Variants in KCNJ6 observed in about 807,000 individuals in gnomAD.
The protein encoded by KCNJ6 is potassium inwardly rectifying channel subfamily J member 6.
In KCNJ6, 9 loss-of-function variants were observed where a neutral mutation model predicts 34.2. That is an observed-to-expected ratio of 0.26 (90% CI 0.16 to 0.46). The LOEUF (loss-of-function observed/expected upper bound fraction) is 0.46. Among genes scored for constraint, KCNJ6 ranks in the 20% least tolerant of loss-of-function variants. KCNJ6 has a pLI of 1.00. For synonymous variants in KCNJ6, 196 were observed against 207.1 expected, an observed-to-expected ratio of 0.95 and a Z score of 0.46; for missense variants, 236 against 531.3, an observed-to-expected ratio of 0.44 and a Z score of 5.46.
rs141058055 is a variant in KCNJ6 at position 37,865,513 on chromosome 21, C to T, written c.-27-24804G>A. 4.6e-3 allele frequency among the ~76,000 whole-genome samples: 693 copies of T among 152,288 alleles called. 8 individuals are homozygous for T. Among genetic ancestry groups the T allele is most frequent in the African/African-American group, 0.015 (622 of 41,560 alleles). On this transcript the variant is annotated intron_variant, in intron 1 of 3. Coordinates refer to ENST00000609713, the MANE Select transcript of KCNJ6 (RefSeq NM_002240.5). ...TTGAACTGTCTCATTCTGTACAATA[C>T]GGATCCAGCTCCTCTTTGAGAAGCC...
At chr21:37,680,900 T>A (rs1368653376) in intron 3 of KCNJ6, among the ~76,000 whole-genome samples, 1 of 152,222 alleles carries the variant, frequency 6.6e-6, no homozygotes, top group South Asian at 2.1e-4. Context: ...CCAGACTACA[T>A]ACACACTGTA....
intron 1 of KCNJ6, among the ~76,000 whole-genome samples, chr21:37,909,369 C>CTTT (rs763546640): frequency 1.4e-5 from 2 of 143,272 alleles, no homozygotes; most frequent in Non-Finnish European, 3.1e-5. Flanking sequence ...GCACAAAGAA[C>CTTT]TTTTTTTTTT....
chr21:37,697,413 C>A (rs1166127514), intron 3 of KCNJ6, among the ~76,000 whole-genome samples: 2 of 152,184 alleles, frequency 1.3e-5, no homozygotes, highest in Admixed American at 1.3e-4. Flanking sequence ...GAGAACAAAG[C>A]AAGCCGGGAA....
Position 37,714,156 on chromosome 21 carries a change from C to A in KCNJ6, c.946+55G>T. The A allele has an allele frequency of 8.3e-7, 1 of 1,210,814 alleles. No individual in the cohort carries two copies. Among genetic ancestry groups the A allele is most frequent in the South Asian group, 1.4e-5 (1 of 73,214 alleles). 75.0% of individuals were successfully genotyped at this position (1,210,814 alleles called of 1,614,324 possible). Reference sequence around the variant, plus strand: ...CTTGTAATAGATAAGAACATCAGGTCCAGTTTAAAATGAGCATCTATCCCA... The same window carrying A: ...CTTGTAATAGATAAGAACATCAGGTACAGTTTAAAATGAGCATCTATCCCA... On this transcript the variant is annotated intron_variant, in intron 3 of 3. Coordinates refer to ENST00000609713, the MANE Select transcript of KCNJ6 (RefSeq NM_002240.5). This position sits in a 1 kb window ranked among gnomAD's most constrained non-coding sequence, Gnocchi z 5.9.
intron 2 of KCNJ6, among the ~76,000 whole-genome samples, chr21:37,763,806 G>A (rs890803293): frequency 6.6e-6 from 1 of 152,136 alleles, no homozygotes; most frequent in Non-Finnish European, 1.5e-5. Flanking sequence ...CTCAGAATGT[G>A]GGGGGAGGGG....
At chr21:37,712,007 GCT>G (rs914249176) in intron 3 of KCNJ6, among the ~76,000 whole-genome samples, 1 of 152,116 alleles carries the variant, frequency 6.6e-6, no homozygotes, top group African/African-American at 2.4e-5. Context: ...CTTTGGAAAG[GCT>G]CACTCATTAC....
chr21:37,766,335 C>G (rs1252752230), intron 2 of KCNJ6, among the ~76,000 whole-genome samples: 3 of 152,054 alleles, frequency 2.0e-5, no homozygotes, highest in Non-Finnish European at 4.4e-5. Flanking sequence ...GACATGAACC[C>G]CTTTGGAGAC....
intron 2 of KCNJ6, among the ~76,000 whole-genome samples, chr21:37,815,671 C>T (rs2055343342): frequency 6.6e-6 from 1 of 152,210 alleles, no homozygotes. Flanking sequence ...GTCTATGGAA[C>T]AGCTCTGGTG....
At chr21:37,635,399 G>A (rs1569434212) in intron 3 of KCNJ6, among the ~76,000 whole-genome samples, 1 of 151,814 alleles carries the variant, frequency 6.6e-6, no homozygotes, top group Non-Finnish European at 1.5e-5. Context: ...TGTATTTTTA[G>A]TAGAGATGGG....
At chr21:37,897,660 T>G (rs546348581) in intron 1 of KCNJ6, among the ~76,000 whole-genome samples, 1 of 152,120 alleles carries the variant, frequency 6.6e-6, no homozygotes. Context: ...CCCTCACTTT[T>G]CTAAGCCTCT....
At chr21:37,793,244 G>T (rs557366396) in intron 2 of KCNJ6, among the ~76,000 whole-genome samples, 1 of 152,142 alleles carries the variant, frequency 6.6e-6, no homozygotes, top group African/African-American at 2.4e-5. Context: ...GACAAAGCAG[G>T]TTATTTCATT....
chr21:37,734,406 G>C (rs1292367088), intron 2 of KCNJ6, among the ~76,000 whole-genome samples: 1 of 152,138 alleles, frequency 6.6e-6, no homozygotes, highest in Non-Finnish European at 1.5e-5. Context: ...TTCTATAGCG[G>C]AGAGAGCACC....
At chr21:37,880,339 C>G (rs1448433175) in intron 1 of KCNJ6, among the ~76,000 whole-genome samples, 4 of 152,218 alleles carry the variant, frequency 2.6e-5, no homozygotes, top group Non-Finnish European at 5.9e-5. Flanking sequence ...TACACCACCT[C>G]TCACCTCTGC....
At chr21:37,782,389 A>G (rs1421998379) in intron 2 of KCNJ6, among the ~76,000 whole-genome samples, 1 of 152,188 alleles carries the variant, frequency 6.6e-6, no homozygotes, top group Non-Finnish European at 1.5e-5. Flanking sequence ...ATGTACACAC[A>G]TAATATATAA....
At chr21:37,707,378 G>C (rs1203930094) in intron 3 of KCNJ6, among the ~76,000 whole-genome samples, 2 of 152,200 alleles carry the variant, frequency 1.3e-5, no homozygotes, top group Non-Finnish European at 2.9e-5. Context: ...TAGAGGAAGA[G>C]ATGATCTGCT....
At chr21:37,688,261 T>C (rs1012037782) in intron 3 of KCNJ6, among the ~76,000 whole-genome samples, 1 of 152,226 alleles carries the variant, frequency 6.6e-6, no homozygotes, top group East Asian at 1.9e-4. Flanking sequence ...TAATTCCTTA[T>C]TAGTAAGCAC....
intron 1 of KCNJ6, among the ~76,000 whole-genome samples, chr21:37,848,565 C>T (rs2123587883): frequency 6.6e-6 from 1 of 152,304 alleles, no homozygotes; most frequent in African/African-American, 2.4e-5. Flanking sequence ...ATGCTGCCAC[C>T]ATTGTGGTCT....
intron 3 of KCNJ6, among the ~76,000 whole-genome samples, chr21:37,696,720 A>T (rs1278543805): frequency 1.6e-4 from 24 of 152,240 alleles, no homozygotes; most frequent in Admixed American, 1.5e-3. Context: ...TGATTTTGAA[A>T]ATCACACTGT....
chr21:37,756,332 G>A (rs990680297), intron 2 of KCNJ6, among the ~76,000 whole-genome samples: 2 of 152,238 alleles, frequency 1.3e-5, no homozygotes, highest in Admixed American at 6.5e-5. Flanking sequence ...TGGAGAGCAG[G>A]AACCACCCAT....
Sources: gnomAD v4.1 joint callset for allele counts (sites outside exome capture counted in the v4.1 genomes callset) on GRCh38, gnomAD v4.1.1 for gene constraint, Gnocchi (gnomAD v3.1) non-coding constraint, MANE v1.5 for transcripts, NCBI Gene and HGNC (gene_info 2026-07-23, HGNC 2026-07-21) for gene names.